PPP1R16B: variants seen among roughly 807,000 people sequenced by gnomAD.
The protein encoded by PPP1R16B is protein phosphatase 1 regulatory subunit 16B, also known as protein phosphatase 1 regulatory inhibitor subunit 16B.
Under a neutral mutation model 61.7 loss-of-function variants are expected in PPP1R16B, and 14 were observed. The observed-to-expected ratio is 0.23, with a 90% CI of 0.15 to 0.35. The LOEUF is 0.35. PPP1R16B is among the 10% of genes least tolerant of loss of function. The pLI is 1.00. For missense variants in PPP1R16B, 547 were observed against 752.5 expected (o/e 0.73, Z 3.19); for synonymous variants, 266 against 305.3 (o/e 0.87, Z 1.34).
At chr20:38,892,818 T>A (rs1322878815) in intron 3 of PPP1R16B, among the ~76,000 whole-genome samples, 1 of 152,140 alleles carries the variant, frequency 6.6e-6, no homozygotes, top group Admixed American at 6.5e-5. Context: ...TAGAAAAGAA[T>A]AAGGCAGAAC....
At chr20:38,884,287 A>G (rs1401273328) in intron 2 of PPP1R16B, among the ~76,000 whole-genome samples, 3 of 152,352 alleles carry the variant, frequency 2.0e-5, no homozygotes, top group South Asian at 2.1e-4. Context: ...AGAACAGTGC[A>G]AGGTACTGTT....
chr20:38,836,104 G>T lies in PPP1R16B; in HGVS notation c.179G>T (p.Arg60Leu), dbSNP rs1295098231. The T allele has an allele frequency of 6.2e-7, 1 of 1,612,482 alleles. No individual in the cohort carries two copies. The highest frequency in any genetic ancestry group is 1.3e-5 in the African/African-American group (1 of 75,066). ...KHERKRSTGG[R>L]RKKVSFEASV... The stretch of plus-strand genomic sequence containing the variant: ...GAGCGGAAGCGCAGCACGGGCGGCC[G>T]CCGCAAGAAAGTGTCCTTCGAGGCC... The change falls in exon 2 of 11, where the codon CGC becomes CTC. Residue 60 changes from arginine to leucine, a missense_variant. Arg to Leu is a moderately radical substitution (Grantham distance 102, BLOSUM62 -2). Transcript: ENST00000299824.
chr20:38,913,714 G>T (rs1027120836), intron 10 of PPP1R16B, among the ~76,000 whole-genome samples: 1 of 152,172 alleles, frequency 6.6e-6, no homozygotes. Context: ...AAGGACTGAG[G>T]GTTGGGGGTG....
chr20:38,886,584 C>A (rs1387419878), intron 2 of PPP1R16B, among the ~76,000 whole-genome samples: 1 of 152,356 alleles, frequency 6.6e-6, no homozygotes, highest in South Asian at 2.1e-4. Context: ...CCCACTCACC[C>A]GTGGGCAGGT....
At chr20:38,822,387 G>A (rs2084778646) in intron 1 of PPP1R16B, among the ~76,000 whole-genome samples, 3 of 151,628 alleles carry the variant, frequency 2.0e-5, no homozygotes, top group South Asian at 2.1e-4. Context: ...GGCGCTTCCC[G>A]CAAATAAAAA....
At chr20:38,851,327 T>C (rs545486700) in intron 2 of PPP1R16B, among the ~76,000 whole-genome samples, 2 of 152,030 alleles carry the variant, frequency 1.3e-5, no homozygotes, top group Admixed American at 1.3e-4. Context: ...TAGCTGGGCA[T>C]GGTGGTGCAT....
intron 2 of PPP1R16B, among the ~76,000 whole-genome samples, chr20:38,874,621 G>A (rs934032606): frequency 1.3e-5 from 2 of 152,316 alleles, no homozygotes; most frequent in East Asian, 1.9e-4. Context: ...AGTGGTTGGA[G>A]CAAAGGTCAG....
intron 5 of PPP1R16B, among the ~76,000 whole-genome samples, chr20:38,901,782 A>G (rs755553130): frequency 6.6e-6 from 1 of 152,262 alleles, no homozygotes; most frequent in Non-Finnish European, 1.5e-5. Context: ...AAGCGTAAGT[A>G]CCAAAACATT....
intron 2 of PPP1R16B, among the ~76,000 whole-genome samples, chr20:38,865,812 C>G (rs967126402): frequency 6.6e-6 from 1 of 152,150 alleles, no homozygotes; most frequent in Non-Finnish European, 1.5e-5. Flanking sequence ...GAGGGCACCA[C>G]TCATCACCTT....
At position 38,878,523 on chromosome 20, in the gene PPP1R16B, A is replaced by G. The variant is rs186368725; in HGVS notation, c.251-11072A>G. ...CCTTGTAATTAGTCATGCCTGAAAT[A>G]CCAGTTATGTATGGAATCAACCAGA... On this transcript the variant is annotated intron_variant, in intron 2 of 10. Transcript: ENST00000299824. Among the ~76,000 whole-genome samples the G allele has an allele frequency of 9.2e-5, 14 of 152,330 alleles. No homozygotes were observed. The East Asian group carries it at 2.5e-3, about 27-fold the overall frequency.
intron 2 of PPP1R16B, among the ~76,000 whole-genome samples, chr20:38,869,412 G>T (rs2085111991): frequency 6.6e-6 from 1 of 152,096 alleles, no homozygotes; most frequent in African/African-American, 2.4e-5. Flanking sequence ...ACCCACCTCA[G>T]CCTCCCAAAG....
Position 38,806,884 on chromosome 20 carries a change from G to T in PPP1R16B, c.-102+1092G>T, listed in dbSNP as rs2084665867. Among the ~76,000 whole-genome samples, 1 of 152,238 alleles carries T rather than the reference G, an allele frequency of 6.6e-6. No homozygotes were observed. The highest frequency in any genetic ancestry group is 2.4e-5 in the African/African-American group (1 of 41,474). On this transcript the variant is annotated intron_variant, in intron 1 of 10. Transcript: ENST00000299824. The surrounding 1 kb of genome is among the most constrained non-coding windows in gnomAD (Gnocchi z 4.5). ...GTCCCGGTGCTCCCGGGCACCTCAG[G>T]AGCGGAGGGAGAGGGATGTGGCTTC...
intron 1 of PPP1R16B, among the ~76,000 whole-genome samples, chr20:38,814,346 G>A (rs1411187352): frequency 1.3e-5 from 2 of 152,086 alleles, no homozygotes; most frequent in Non-Finnish European, 2.9e-5. Flanking sequence ...TTCCTTCAGA[G>A]GGGGGAAGGC....
At chr20:38,853,456 C>T (rs547404348) in intron 2 of PPP1R16B, among the ~76,000 whole-genome samples, 1 of 152,242 alleles carries the variant, frequency 6.6e-6, no homozygotes, top group African/African-American at 2.4e-5. Context: ...CTAAATGAAA[C>T]CCAAATCTTG....
intron 3 of PPP1R16B, among the ~76,000 whole-genome samples, chr20:38,891,016 C>T (rs2145761604): frequency 6.6e-6 from 1 of 152,322 alleles, no homozygotes; most frequent in African/African-American, 2.4e-5. Context: ...CTCCCAGACT[C>T]CCAGCTCCAT....
chr20:38,877,961 T>TG (rs1430674261), intron 2 of PPP1R16B, among the ~76,000 whole-genome samples: 1 of 136,886 alleles, frequency 7.3e-6, no homozygotes, highest in African/African-American at 3.3e-5. Flanking sequence ...TGTTTTTTTT[T>TG]TTTTTTTTTT....
At chr20:38,893,836 C>T (rs2085310976) in intron 3 of PPP1R16B, among the ~76,000 whole-genome samples, 1 of 152,140 alleles carries the variant, frequency 6.6e-6, no homozygotes, top group Admixed American at 6.5e-5. Context: ...GAGGCTTCCA[C>T]TCCACCCCCT....
At chr20:38,875,582 A>G (rs1447372938) in intron 2 of PPP1R16B, among the ~76,000 whole-genome samples, 1 of 152,218 alleles carries the variant, frequency 6.6e-6, no homozygotes, top group Non-Finnish European at 1.5e-5. Context: ...TGACAAAATC[A>G]AACACCCGCA....
intron 1 of PPP1R16B, among the ~76,000 whole-genome samples, chr20:38,810,735 A>T (rs1267784029): frequency 1.3e-5 from 2 of 152,136 alleles, no homozygotes; most frequent in Non-Finnish European, 2.9e-5. Flanking sequence ...TTGAATTCTC[A>T]TACCAATCCG....
Sources: gnomAD v4.1 joint callset for allele counts (sites outside exome capture counted in the v4.1 genomes callset) on GRCh38, gnomAD v4.1.1 for gene constraint, Gnocchi (gnomAD v3.1) non-coding constraint, MANE v1.5 for transcripts, NCBI Gene and HGNC (gene_info 2026-07-23, HGNC 2026-07-21) for gene names.